GNB1L: variants seen among roughly 807,000 people sequenced by gnomAD.
GNB1L encodes G protein subunit beta 1 like.
In GNB1L, 20 loss-of-function variants were observed where a neutral mutation model predicts 29.1. The observed-to-expected ratio is 0.69, with a 90% CI of 0.48 to 1.00. GNB1L has a LOEUF of 1.00. Ranked by LOEUF, GNB1L falls within the 50% of genes least tolerant of loss-of-function variation. The pLI, the probability that GNB1L is intolerant of heterozygous loss-of-function variation, is 0.00. For missense variants in GNB1L, 421 were observed against 464.9 expected (o/e 0.91, Z 0.87); for synonymous variants, 193 against 206.5 (o/e 0.93, Z 0.56).
Position 19,851,772 on chromosome 22 carries a change from G to A in GNB1L, c.-21+2671C>T, listed in dbSNP as rs1459841734. On this transcript the variant is annotated intron_variant, in intron 2 of 7. Coordinates refer to ENST00000329517, the MANE Select transcript of GNB1L (RefSeq NM_053004.3). ...CAGAAGAGCTCGTAATCGTCAGGCA[G>A]GGGCAGGTCCCCATCAAGGTAGGGG... 1.9e-6 allele frequency: 3 copies of A among 1,612,842 alleles called. No individual in the cohort carries two copies. In the South Asian group the frequency reaches 3.3e-5, roughly 18 times the overall value.
chr22:19,785,007 C>T lies in GNB1L; in HGVS notation c.*3702G>A, dbSNP rs1166711717. Reference sequence around the variant, plus strand: ...GATTTGAACAGAAAAAGCCCCCAGCCGCGCTGCCACCCTGACGCAGCCTTG... The same window carrying T: ...GATTTGAACAGAAAAAGCCCCCAGCTGCGCTGCCACCCTGACGCAGCCTTG... On this transcript the variant is annotated 3_prime_UTR_variant, in exon 8 of 8. Coordinates refer to ENST00000329517, the MANE Select transcript of GNB1L (RefSeq NM_053004.3). This position sits in a 1 kb window ranked among gnomAD's most constrained non-coding sequence, Gnocchi z 4.1. The T allele has an allele frequency of 2.6e-5, 4 of 152,256 alleles. No individual in the cohort carries two copies. The highest frequency in any genetic ancestry group is 1.3e-4 in the Admixed American group (2 of 15,288). The allele number at this position is 152,256 out of a possible 1,614,324, so 9.4% of individuals were successfully genotyped here.
chr22:19,805,204 C>T (rs1937419616), intron 6 of GNB1L, among the ~76,000 whole-genome samples: 1 of 152,240 alleles, frequency 6.6e-6, no homozygotes, highest in Non-Finnish European at 1.5e-5. Context: ...GATCAGTCCA[C>T]GGGAGACCCC....
At chr22:19,805,026 T>C (rs1048368247) in intron 6 of GNB1L, among the ~76,000 whole-genome samples, 2 of 152,164 alleles carry the variant, frequency 1.3e-5, no homozygotes, top group African/African-American at 4.8e-5. Context: ...AGGAGCCTTG[T>C]GTGGGCACAT....
intron 7 of GNB1L, among the ~76,000 whole-genome samples, chr22:19,798,001 T>C (rs764812974): frequency 2.0e-5 from 3 of 152,232 alleles, no homozygotes; most frequent in Non-Finnish European, 4.4e-5. Context: ...CTGAATGTGC[T>C]GCAGCACGAC....
chr22:19,832,440 C>T (rs1937696163), intron 2 of GNB1L, among the ~76,000 whole-genome samples: 1 of 152,206 alleles, frequency 6.6e-6, no homozygotes, highest in Admixed American at 6.5e-5. Flanking sequence ...TACACAGAGA[C>T]ATGTTTCCTA....
intron 2 of GNB1L, chr22:19,847,577 A>G: frequency 1.0e-6 from 1 of 985,244 alleles, no homozygotes; most frequent in Non-Finnish European, 1.2e-6. Flanking sequence ...AGGCAAGGCC[A>G]ACCTCCAGTC....
intron 2 of GNB1L, chr22:19,849,871 T>C: frequency 1.0e-6 from 1 of 985,486 alleles, no homozygotes; most frequent in Non-Finnish European, 1.2e-6. Flanking sequence ...TGGGCGGCTG[T>C]ACCTGCCTAT....
Position 19,816,146 on chromosome 22 carries a change from T to C in GNB1L, c.255-3699A>G, listed in dbSNP as rs1937522812. Among the ~76,000 whole-genome samples the C allele has an allele frequency of 6.6e-6, 1 of 152,104 alleles. No homozygotes were observed. Among genetic ancestry groups the C allele is most frequent in the South Asian group, 2.1e-4 (1 of 4,824 alleles). On this transcript the variant is annotated intron_variant, in intron 4 of 7. Coordinates refer to ENST00000329517, the MANE Select transcript of GNB1L (RefSeq NM_053004.3). This position sits in a 1 kb window ranked among gnomAD's most constrained non-coding sequence, Gnocchi z 4.4. Reference sequence around the variant, plus strand: ...TCTGCCCCCTGCATGGCCCCTTCTCTCTCCCTGTCTCTGCCTCTCTCTCAT... The same window carrying C: ...TCTGCCCCCTGCATGGCCCCTTCTCCCTCCCTGTCTCTGCCTCTCTCTCAT...
At chr22:19,810,452 G>A (rs182998341) in intron 5 of GNB1L, among the ~76,000 whole-genome samples, 1 of 152,276 alleles carries the variant, frequency 6.6e-6, no homozygotes, top group Non-Finnish European at 1.5e-5. Context: ...CGCTGCAGGA[G>A]GGAGCGGGGG....
chr22:19,804,146 C>T (rs901547922), intron 6 of GNB1L, among the ~76,000 whole-genome samples: 5 of 152,274 alleles, frequency 3.3e-5, no homozygotes, highest in Non-Finnish European at 5.9e-5. Flanking sequence ...GTGACAGATA[C>T]CACAGGCCGG....
At chr22:19,835,957 G>C (rs1937758816) in intron 2 of GNB1L, among the ~76,000 whole-genome samples, 2 of 152,100 alleles carry the variant, frequency 1.3e-5, no homozygotes, top group African/African-American at 4.8e-5. Context: ...ACATCGACAA[G>C]AAGAAAGGTC....
In GNB1L at chr22:19,835,389, C is replaced by A. The variant is rs1179881318; in HGVS notation, c.-20-14014G>T. ...TTAAAAATGTAAAAAAAAAAAAAAA[C>A]AAACAAACAAACAAAAAAAAAACCT... On this transcript the variant is annotated intron_variant, in intron 2 of 7. Coordinates refer to ENST00000329517, the MANE Select transcript of GNB1L (RefSeq NM_053004.3). Among the ~76,000 whole-genome samples the A allele has an allele frequency of 7.0e-4, 97 of 138,158 alleles. 2 individuals carry two copies. Among genetic ancestry groups the A allele is most frequent in the Middle Eastern group, 3.7e-3 (1 of 270 alleles). The allele number at this position is 138,158 out of a possible 152,430, so 90.6% of individuals were successfully genotyped here.
chr22:19,795,790 A>G (rs1241007460), intron 7 of GNB1L, among the ~76,000 whole-genome samples: 1 of 152,196 alleles, frequency 6.6e-6, no homozygotes, highest in Non-Finnish European at 1.5e-5. Context: ...AGGTGGCAGG[A>G]CCTAGACCCA....
rs528781221 is a variant in GNB1L at position 19,829,862 on chromosome 22, T to TAC, written c.-20-8489_-20-8488dup. Among the ~76,000 whole-genome samples the TAC allele has an allele frequency of 1.6e-3, 239 of 152,100 alleles. 1 individual carries two copies. Among genetic ancestry groups the TAC allele is most frequent in the Non-Finnish European group, 2.6e-3 (176 of 68,018 alleles). On this transcript the variant is annotated intron_variant, in intron 2 of 7. Coordinates refer to ENST00000329517, the MANE Select transcript of GNB1L (RefSeq NM_053004.3). Reference sequence around the variant, plus strand: ...TAGAGGTTAAATATATATATATATATACATCCCCCTTGGTCCTAAATCCAA... The same window carrying TAC: ...TAGAGGTTAAATATATATATATATATACACATCCCCCTTGGTCCTAAATCCAA...
At chr22:19,789,222 C>G (rs777844419) in intron 7 of GNB1L, among the ~76,000 whole-genome samples, 1 of 152,192 alleles carries the variant, frequency 6.6e-6, no homozygotes, top group Non-Finnish European at 1.5e-5. Context: ...AGTCAGAGAG[C>G]AGCAGAGACA....
intron 7 of GNB1L, among the ~76,000 whole-genome samples, chr22:19,794,810 G>C (rs972152367): frequency 6.6e-6 from 1 of 152,066 alleles, no homozygotes; most frequent in Non-Finnish European, 1.5e-5. Flanking sequence ...GTGAAACCCT[G>C]TCTCTACTAA....
chr22:19,807,996 G>A lies in GNB1L; in HGVS notation c.418-1239C>T, dbSNP rs556831098. Among the ~76,000 whole-genome samples the A allele has an allele frequency of 3.9e-5, 6 of 152,328 alleles. No homozygotes were observed. In the South Asian group the frequency reaches 6.2e-4, roughly 16 times the overall value. Reference sequence around the variant, plus strand: ...GCTGAGGCGCCCACCTCCAGTACGCGGACCAGGGCCACGGCGCTTCTTGTG... The same window carrying A: ...GCTGAGGCGCCCACCTCCAGTACGCAGACCAGGGCCACGGCGCTTCTTGTG... On this transcript the variant is annotated intron_variant, in intron 5 of 7. Transcript: ENST00000329517.
intron 2 of GNB1L, chr22:19,851,155 C>T (rs1406648500): frequency 6.3e-7 from 1 of 1,580,004 alleles, no homozygotes; most frequent in Non-Finnish European, 8.6e-7. Flanking sequence ...ATTGTTCCCA[C>T]CTGGGCTGTG....
chr22:19,816,920 C>T lies in GNB1L; in HGVS notation c.254+3678G>A, dbSNP rs536159829. Among the ~76,000 whole-genome samples the T allele has an allele frequency of 4.0e-4, 61 of 152,336 alleles. No individual in the cohort carries two copies. Among genetic ancestry groups the T allele is most frequent in the African/African-American group, 1.2e-3 (51 of 41,568 alleles). The stretch of plus-strand genomic sequence containing the variant: ...CCTGCTTCTTTGACTGCCTGGCACC[C>T]CCTTCCCACCCCATCCAAGGGGCAC... On this transcript the variant is annotated intron_variant, in intron 4 of 7. Coordinates refer to ENST00000329517, the MANE Select transcript of GNB1L (RefSeq NM_053004.3). This position sits in a 1 kb window ranked among gnomAD's most constrained non-coding sequence, Gnocchi z 4.4.
Sources: gnomAD v4.1 joint callset for allele counts (sites outside exome capture counted in the v4.1 genomes callset) on GRCh38, gnomAD v4.1.1 for gene constraint, Gnocchi (gnomAD v3.1) non-coding constraint, MANE v1.5 for transcripts, NCBI Gene and HGNC (gene_info 2026-07-23, HGNC 2026-07-21) for gene names.